The following NRXN3 variants were observed in gnomAD, a reference collection of about 807,000 sequenced individuals.
NRXN3 encodes neurexin III.
Under a neutral mutation model 137.6 loss-of-function variants are expected in NRXN3, and 32 were observed. That is an observed-to-expected ratio of 0.23 (90% confidence interval 0.18 to 0.31). The LOEUF (loss-of-function observed/expected upper bound fraction) is 0.31. Ranked by LOEUF, NRXN3 falls within the 10% of genes least tolerant of loss-of-function variation. The pLI is 1.00. For missense variants in NRXN3, 1,574 were observed against 2,062.5 expected, an observed-to-expected ratio of 0.76 and a Z score of 4.59; for synonymous variants, 798 against 784.5, an observed-to-expected ratio of 1.02 and a Z score of -0.29.
chr14:78,314,777 T>C (rs1474131728), intron 4 of NRXN3, among the ~76,000 whole-genome samples: 1 of 152,148 alleles, frequency 6.6e-6, no homozygotes, highest in Non-Finnish European at 1.5e-5. Flanking sequence ...CCCACCTTCA[T>C]TCAAACAAAG....
At chr14:78,473,243 A>G (rs1351638407) in intron 4 of NRXN3, among the ~76,000 whole-genome samples, 1 of 152,010 alleles carries the variant, frequency 6.6e-6, no homozygotes, top group Non-Finnish European at 1.5e-5. Context: ...TCTACTAAAA[A>G]TACAAAAAAT....
intron 16 of NRXN3, among the ~76,000 whole-genome samples, chr14:79,656,934 G>A (rs993915677): frequency 1.3e-5 from 2 of 152,070 alleles, no homozygotes; most frequent in African/African-American, 4.8e-5. Context: ...CGATGACCTT[G>A]ACTGGGAGAC....
In NRXN3 at chr14:79,536,848, C is replaced by T. The variant is rs560143000; in HGVS notation, c.3444+69446C>T. 3.8e-4 allele frequency among the ~76,000 whole-genome samples: 58 copies of T among 152,164 alleles called. 2 individuals carry two copies. In the South Asian group the frequency reaches 0.012, roughly 31 times the overall value. On this transcript the variant is annotated intron_variant, in intron 16 of 20. Coordinates refer to ENST00000335750, the MANE Select transcript of NRXN3 (RefSeq NM_001330195.2). ...TATCTATATACCACATTGTCTTTGT[C>T]CAGTCTATCATTGATGGGCATTTAG...
chr14:79,690,777 C>A (rs2098713586), intron 17 of NRXN3, among the ~76,000 whole-genome samples: 1 of 152,108 alleles, frequency 6.6e-6, no homozygotes, highest in Non-Finnish European at 1.5e-5. Flanking sequence ...CAGGTGGAAT[C>A]TCCTCAGCCA....
At chr14:78,996,226 C>T (rs2099529801) in intron 15 of NRXN3, among the ~76,000 whole-genome samples, 2 of 152,050 alleles carry the variant, frequency 1.3e-5, no homozygotes, top group Non-Finnish European at 1.5e-5. Flanking sequence ...AACAGTGTGC[C>T]CCAATGTGCT....
intron 10 of NRXN3, among the ~76,000 whole-genome samples, chr14:78,885,314 A>G (rs1415600734): frequency 1.3e-5 from 2 of 151,742 alleles, no homozygotes; most frequent in African/African-American, 2.4e-5. Context: ...CAGTAATATT[A>G]TCAGTAATAG....
rs568892239 is a variant in NRXN3, at chr14:78,627,983, G to A, written c.758-17137G>A. Among the ~76,000 whole-genome samples, 57 of 152,070 alleles carry A rather than the reference G, an allele frequency of 3.7e-4. 1 individual carries two copies. Among genetic ancestry groups the A allele is most frequent in the Admixed American group, 7.2e-4 (11 of 15,288 alleles). ...CCTATGCAAAAATTCATGATGGAGT[G>A]CTGCAGAGCTTTTAAAGAAATGGTG... On this transcript the variant is annotated intron_variant, in intron 4 of 20. Transcript: ENST00000335750.
At chr14:78,941,816 A>G (rs944204259) in intron 10 of NRXN3, among the ~76,000 whole-genome samples, 1 of 152,230 alleles carries the variant, frequency 6.6e-6, no homozygotes, top group Non-Finnish European at 1.5e-5. Flanking sequence ...CTGGTCTCCC[A>G]TAGCTGTTCT....
chr14:79,821,601 T>G (rs932264), intron 20 of NRXN3, among the ~76,000 whole-genome samples: 136,364 of 151,524 alleles, frequency 0.9, 61,387 homozygotes, highest in East Asian at 0.95. Flanking sequence ...ATTTCTGGTT[T>G]AGTAAACTCT....
At chr14:78,193,293 A>T (rs1287781870) in intron 1 of NRXN3, among the ~76,000 whole-genome samples, 2 of 152,182 alleles carry the variant, frequency 1.3e-5, no homozygotes, top group African/African-American at 4.8e-5. Context: ...GAGGTTTAGG[A>T]TTGCATAAAG....
Position 78,243,702 on chromosome 14 carries a change from T to G in NRXN3, c.609T>G (p.Gly203=). ...GVQMDAEGPC[G]ERPCENGGIC... Reference sequence around the variant, plus strand: ...AGATGGATGCCGAGGGACCCTGTGGTGAGCGTCCCTGTGAAAATGGTGGGA... The same window carrying G: ...AGATGGATGCCGAGGGACCCTGTGGGGAGCGTCCCTGTGAAAATGGTGGGA... The change falls in exon 2 of 21, where the codon GGT becomes GGG. Residue 203 remains glycine, a synonymous_variant. Coordinates refer to ENST00000335750, the MANE Select transcript of NRXN3 (RefSeq NM_001330195.2). This position sits in a 1 kb window ranked among gnomAD's most constrained non-coding sequence, Gnocchi z 4.2. 1 of 1,598,354 alleles carries G rather than the reference T, an allele frequency of 6.3e-7. No individual in the cohort carries two copies. Among genetic ancestry groups the G allele is most frequent in the South Asian group, 1.1e-5 (1 of 91,080 alleles).
intron 15 of NRXN3, among the ~76,000 whole-genome samples, chr14:78,992,400 C>A (rs2099520773): frequency 6.6e-6 from 1 of 152,124 alleles, no homozygotes; most frequent in African/African-American, 2.4e-5. Flanking sequence ...ATTTTAAGAA[C>A]AACAAAAGAA....
intron 10 of NRXN3, among the ~76,000 whole-genome samples, chr14:78,922,138 T>C (rs1303390630): frequency 6.6e-6 from 1 of 152,178 alleles, no homozygotes; most frequent in African/African-American, 2.4e-5. Context: ...GGTTTTCTTT[T>C]CTCCAAATAA....
At chr14:78,767,660 A>G (rs1020338873) in intron 8 of NRXN3, among the ~76,000 whole-genome samples, 2 of 152,170 alleles carry the variant, frequency 1.3e-5, no homozygotes, top group African/African-American at 4.8e-5. Context: ...CCCATCCCTT[A>G]CTGGTGTAGA....
intron 10 of NRXN3, among the ~76,000 whole-genome samples, chr14:78,823,107 T>C (rs1270248693): frequency 6.6e-6 from 1 of 152,172 alleles, no homozygotes; most frequent in Non-Finnish European, 1.5e-5. Context: ...AGAAGATGAA[T>C]TAGGAATTAT....
chr14:78,620,602 T>C (rs2097394360), intron 4 of NRXN3, among the ~76,000 whole-genome samples: 1 of 152,122 alleles, frequency 6.6e-6, no homozygotes, highest in Non-Finnish European at 1.5e-5. Flanking sequence ...AGAATCAGAA[T>C]ATAGAGGAAG....
intron 6 of NRXN3, among the ~76,000 whole-genome samples, chr14:78,684,468 A>G (rs141161550): frequency 1.2e-3 from 177 of 152,296 alleles, no homozygotes; most frequent in African/African-American, 4.2e-3. Context: ...GAGACACGGA[A>G]GTCAGGTCTA....
rs2097937802 is a variant in NRXN3, at chr14:79,602,479, T to A, written c.3445-61299T>A. On this transcript the variant is annotated intron_variant, in intron 16 of 20. Coordinates refer to ENST00000335750, the MANE Select transcript of NRXN3 (RefSeq NM_001330195.2). ...TCATCTTACTTTCTTTAAAGAACCT[T>A]TCCCATCTCTTCAGTTATTTCTACC... Among the ~76,000 whole-genome samples the A allele has an allele frequency of 2.0e-5, 3 of 152,308 alleles. No individual in the cohort carries two copies. The South Asian group carries it at 6.2e-4, about 32-fold the overall frequency.
intron 16 of NRXN3, among the ~76,000 whole-genome samples, chr14:79,569,694 C>T (rs573903271): frequency 1.3e-4 from 20 of 151,682 alleles, no homozygotes; most frequent in Non-Finnish European, 2.5e-4. Flanking sequence ...CTGCAACCTC[C>T]GTCTCCCGGG....
Sources: allele counts gnomAD v4.1 joint callset (sites outside exome capture counted in the v4.1 genomes callset), GRCh38; gene constraint gnomAD v4.1.1; non-coding constraint Gnocchi (gnomAD v3.1); transcripts MANE v1.5; gene names NCBI Gene and HGNC (gene_info 2026-07-23, HGNC 2026-07-21).